AGBL4: variants seen among roughly 807,000 people sequenced by gnomAD.
AGBL4 encodes the protein AGBL carboxypeptidase 4.
AGBL4 carries 58 observed loss-of-function variants against 66.4 expected under a neutral mutation model. That is an observed-to-expected ratio of 0.87 (90% CI 0.71 to 1.09). The LOEUF (loss-of-function observed/expected upper bound fraction) is 1.09, where lower values mean the gene tolerates loss of function less well. Ranked by LOEUF, AGBL4 falls within the 50% of genes least tolerant of loss-of-function variation. The pLI is 0.00. For missense variants in AGBL4, 579 were observed against 631.0 expected (o/e 0.92, Z 0.88); for synonymous variants, 234 against 222.9 (o/e 1.05, Z -0.44).
At chr1:49,193,670 G>A (rs1239459383) in intron 4 of AGBL4, among the ~76,000 whole-genome samples, 1 of 151,738 alleles carries the variant, frequency 6.6e-6, no homozygotes, top group Non-Finnish European at 1.5e-5. Flanking sequence ...TGGGACTACA[G>A]GTGCCCGCCA....
intron 4 of AGBL4, among the ~76,000 whole-genome samples, chr1:49,051,679 G>A (rs1193700681): frequency 6.6e-6 from 1 of 152,040 alleles, no homozygotes; most frequent in Non-Finnish European, 1.5e-5. Context: ...ACCTTGGATG[G>A]ATACCCATTT....
chr1:49,767,475 T>A (rs962890016), intron 2 of AGBL4, among the ~76,000 whole-genome samples: 1 of 152,132 alleles, frequency 6.6e-6, no homozygotes, highest in Non-Finnish European at 1.5e-5. Context: ...AGAGGAATAT[T>A]TATAGCAATA....
intron 2 of AGBL4, among the ~76,000 whole-genome samples, chr1:49,833,386 G>T (rs1645752628): frequency 6.6e-6 from 1 of 152,030 alleles, no homozygotes; most frequent in Non-Finnish European, 1.5e-5. Context: ...ATGCTGTTTT[G>T]GTTACTGTAG....
intron 3 of AGBL4, among the ~76,000 whole-genome samples, chr1:49,385,291 T>A (rs978993554): frequency 5.9e-5 from 9 of 152,158 alleles, no homozygotes; most frequent in African/African-American, 2.2e-4. Context: ...GTAAATTTTA[T>A]GTTCTGTGTG....
intron 4 of AGBL4, among the ~76,000 whole-genome samples, chr1:49,080,785 A>G (rs970441999): frequency 4.6e-5 from 7 of 152,212 alleles, no homozygotes; most frequent in African/African-American, 1.7e-4. Context: ...GTAATACTTG[A>G]AACAAAAGAT....
Position 49,983,347 on chromosome 1 carries a change from C to T in AGBL4, c.34+40416G>A, listed in dbSNP as rs188555232. 1.6e-3 allele frequency among the ~76,000 whole-genome samples: 238 copies of T among 152,354 alleles called. 1 individual carries two copies. The Middle Eastern group carries it at 0.02, about 13-fold the overall frequency. On this transcript the variant is annotated intron_variant, in intron 1 of 13. Transcript: ENST00000371839. The stretch of plus-strand genomic sequence containing the variant: ...AGACAAGGAAGCTGCTTGTGGTACA[C>T]CTAATCCAGCTACAGCCTCACAGAG...
chr1:48,556,067 C>T (rs1181378914), intron 11 of AGBL4, among the ~76,000 whole-genome samples: 1 of 152,032 alleles, frequency 6.6e-6, no homozygotes, highest in Non-Finnish European at 1.5e-5. Flanking sequence ...ACCGATGTGC[C>T]AAGTAGCTAT....
chr1:49,392,942 A>G (rs1644881517), intron 3 of AGBL4, among the ~76,000 whole-genome samples: 1 of 152,234 alleles, frequency 6.6e-6, no homozygotes, highest in South Asian at 2.1e-4. Context: ...CAAAGTAAGT[A>G]TTATAATAAG....
intron 3 of AGBL4, among the ~76,000 whole-genome samples, chr1:49,645,924 CAT>C (rs1645879047): frequency 6.6e-6 from 1 of 151,344 alleles, no homozygotes; most frequent in Non-Finnish European, 1.5e-5. Flanking sequence ...AAAAAAAACC[CAT>C]ATGATTACCT....
chr1:49,669,895 G>GA (rs1646443772), intron 3 of AGBL4, among the ~76,000 whole-genome samples: 1 of 151,800 alleles, frequency 6.6e-6, no homozygotes, highest in African/African-American at 2.4e-5. Flanking sequence ...CTATCTCCTT[G>GA]AAAAAAAGGA....
chr1:49,684,764 T>C (rs1205602087), intron 3 of AGBL4, among the ~76,000 whole-genome samples: 1 of 152,204 alleles, frequency 6.6e-6, no homozygotes, highest in East Asian at 1.9e-4. Context: ...TTTATGATAT[T>C]TATTTGACTA....
At chr1:48,620,335 A>T (rs1237400579) in intron 9 of AGBL4, among the ~76,000 whole-genome samples, 2 of 152,148 alleles carry the variant, frequency 1.3e-5, no homozygotes, top group Non-Finnish European at 1.5e-5. Context: ...CAGTGGCATG[A>T]TCATAGTTCA....
intron 3 of AGBL4, among the ~76,000 whole-genome samples, chr1:49,325,239 A>G (rs950737025): frequency 2.0e-5 from 3 of 152,088 alleles, no homozygotes. Context: ...GTTAGTCAGG[A>G]TGATCTCGAT....
At chr1:49,935,851 A>T (rs1162508067) in intron 1 of AGBL4, among the ~76,000 whole-genome samples, 2 of 152,166 alleles carry the variant, frequency 1.3e-5, no homozygotes, top group African/African-American at 4.8e-5. Flanking sequence ...CACCATCATC[A>T]AAGACCAAAA....
chr1:48,835,958 G>A (rs1283507559), intron 6 of AGBL4, among the ~76,000 whole-genome samples: 1 of 152,088 alleles, frequency 6.6e-6, no homozygotes, highest in Non-Finnish European at 1.5e-5. Context: ...ATCTTGGAAA[G>A]TCACTGAAAG....
intron 6 of AGBL4, among the ~76,000 whole-genome samples, chr1:48,693,919 G>T (rs1045064483): frequency 2.0e-5 from 3 of 151,982 alleles, no homozygotes; most frequent in African/African-American, 7.2e-5. Context: ...TCTGGATCTG[G>T]CTTCTGAGTC....
At chr1:49,691,688 G>A (rs1005194115) in intron 3 of AGBL4, among the ~76,000 whole-genome samples, 27 of 152,060 alleles carry the variant, frequency 1.8e-4, no homozygotes, top group African/African-American at 6.3e-4. Flanking sequence ...GTTGTCAAAG[G>A]AGATTAACAT....
At chr1:49,331,455 G>C (rs1246121861) in intron 3 of AGBL4, among the ~76,000 whole-genome samples, 5 of 152,152 alleles carry the variant, frequency 3.3e-5, no homozygotes, top group Non-Finnish European at 7.4e-5. Flanking sequence ...AGCCATTCCA[G>C]CCTGCAGACT....
intron 3 of AGBL4, among the ~76,000 whole-genome samples, chr1:49,346,067 A>G (rs978815272): frequency 6.6e-6 from 1 of 152,186 alleles, no homozygotes; most frequent in Admixed American, 6.5e-5. Flanking sequence ...ATGGCAAATA[A>G]TTATTCTTGC....
Sources: gnomAD v4.1 joint callset for allele counts (sites outside exome capture counted in the v4.1 genomes callset) on GRCh38, gnomAD v4.1.1 for gene constraint, MANE v1.5 for transcripts, NCBI Gene and HGNC (gene_info 2026-07-23, HGNC 2026-07-21) for gene names.